Variants in LMX1A observed in about 807,000 individuals in gnomAD.
The protein encoded by LMX1A is LIM homeobox transcription factor 1-alpha.
A neutral mutation model predicts 49.1 loss-of-function variants in LMX1A; 15 were observed. The ratio of observed to expected loss-of-function variants is 0.31; its 90% CI spans 0.20 to 0.47. The LOEUF (loss-of-function observed/expected upper bound fraction) is 0.47, where lower values mean the gene tolerates loss of function less well. Ranked by LOEUF, LMX1A falls within the 20% of genes least tolerant of loss-of-function variation. The probability of loss-of-function intolerance (pLI) is 1.00; values close to 1 mark genes in which losing one functional copy is unlikely to be tolerated. For synonymous variants in LMX1A, 167 were observed against 185.7 expected (o/e 0.90, Z 0.82); for missense variants, 372 against 475.8 (o/e 0.78, Z 2.03).
At chr1:165,298,093 T>C (rs1251717381) in intron 3 of LMX1A, among the ~76,000 whole-genome samples, 1 of 152,108 alleles carries the variant, frequency 6.6e-6, no homozygotes, top group Non-Finnish European at 1.5e-5. Flanking sequence ...GAGATAAGAG[T>C]TGAAACCTAA....
At chr1:165,351,581 C>T (rs1656428864) in intron 3 of LMX1A, among the ~76,000 whole-genome samples, 1 of 152,146 alleles carries the variant, frequency 6.6e-6, no homozygotes, top group South Asian at 2.1e-4. Flanking sequence ...TCCAGCTCAT[C>T]CAAAATCCAG....
chr1:165,268,769 A>C (rs1653701955), intron 3 of LMX1A, among the ~76,000 whole-genome samples: 1 of 152,256 alleles, frequency 6.6e-6, no homozygotes, highest in African/African-American at 2.4e-5. Context: ...GCAGCAAATA[A>C]GGAGATATTT....
At chr1:165,291,623 T>A (rs1279033711) in intron 3 of LMX1A, among the ~76,000 whole-genome samples, 1 of 152,256 alleles carries the variant, frequency 6.6e-6, no homozygotes, top group Non-Finnish European at 1.5e-5. Flanking sequence ...GTGATTCATT[T>A]ATTCTTCATT....
At chr1:165,225,465 A>C (rs1384537437) in intron 4 of LMX1A, among the ~76,000 whole-genome samples, 1 of 152,254 alleles carries the variant, frequency 6.6e-6, no homozygotes, top group African/African-American at 2.4e-5. Context: ...CATTGCTGAC[A>C]GTACCATCAC....
At chr1:165,273,641 G>T (rs752958038) in intron 3 of LMX1A, among the ~76,000 whole-genome samples, 4 of 152,096 alleles carry the variant, frequency 2.6e-5, no homozygotes, top group Non-Finnish European at 5.9e-5. Context: ...TATCTTATTT[G>T]TAATAAACAA....
intron 3 of LMX1A, among the ~76,000 whole-genome samples, chr1:165,285,532 C>G (rs1175849193): frequency 1.3e-5 from 2 of 152,172 alleles, no homozygotes; most frequent in Non-Finnish European, 2.9e-5. Flanking sequence ...TCCTCTTGTA[C>G]AGAAAACAAG....
chr1:165,336,901 G>A (rs1655914387), intron 3 of LMX1A, among the ~76,000 whole-genome samples: 1 of 152,152 alleles, frequency 6.6e-6, no homozygotes, highest in Admixed American at 6.5e-5. Context: ...AGCATATTCT[G>A]GAAGATAATT....
At position 165,258,653 on chromosome 1, in the gene LMX1A, C is replaced by T. The variant is rs117095238; in HGVS notation, c.264-9013G>A. On this transcript the variant is annotated intron_variant, in intron 3 of 8. Transcript: ENST00000342310. ...TGATGTCTGCACGTCCCAGAGGCTCCGCAAGGCACTGGCCTCACCAAGAAA... is the reference window on the plus strand; with the variant it reads ...TGATGTCTGCACGTCCCAGAGGCTCTGCAAGGCACTGGCCTCACCAAGAAA... 1.0e-3 allele frequency among the ~76,000 whole-genome samples: 152 copies of T among 152,220 alleles called. 1 individual carries two copies. The East Asian group carries it at 0.025, about 25-fold the overall frequency.
chr1:165,220,051 T>C (rs1188729729), intron 4 of LMX1A, among the ~76,000 whole-genome samples: 6 of 152,080 alleles, frequency 3.9e-5, no homozygotes, highest in Non-Finnish European at 8.8e-5. Flanking sequence ...AAATACCTAA[T>C]GACATGGAAA....
At chr1:165,350,846 T>G (rs977495184) in intron 3 of LMX1A, among the ~76,000 whole-genome samples, 12 of 152,336 alleles carry the variant, frequency 7.9e-5, no homozygotes, top group African/African-American at 2.9e-4. Context: ...AAAATTAAAA[T>G]CCTTCACTGA....
chr1:165,301,386 C>CAT (rs1459423074), intron 3 of LMX1A, among the ~76,000 whole-genome samples: 1 of 151,646 alleles, frequency 6.6e-6, no homozygotes, highest in African/African-American at 2.4e-5. Flanking sequence ...CACACACACA[C>CAT]ACTTCTCTGC....
chr1:165,278,957 A>G (rs1402765796), intron 3 of LMX1A, among the ~76,000 whole-genome samples: 1 of 152,206 alleles, frequency 6.6e-6, no homozygotes, highest in East Asian at 1.9e-4. Context: ...AGGGAACCTC[A>G]GCCCAGGAGG....
chr1:165,248,243 GTAGA>G (rs1652927569), intron 4 of LMX1A, among the ~76,000 whole-genome samples: 1 of 152,186 alleles, frequency 6.6e-6, no homozygotes, highest in African/African-American at 2.4e-5. Context: ...AGATTTGAGA[GTAGA>G]TGAGACACAA....
chr1:165,287,811 C>A (rs574143076), intron 3 of LMX1A, among the ~76,000 whole-genome samples: 1 of 152,222 alleles, frequency 6.6e-6, no homozygotes, highest in African/African-American at 2.4e-5. Context: ...GACTGACGTA[C>A]TATATGCCTT....
chr1:165,213,479 G>A (rs1034286751), intron 5 of LMX1A, among the ~76,000 whole-genome samples, 162 bp downstream of exon 5: 1 of 152,212 alleles, frequency 6.6e-6, no homozygotes, highest in African/African-American at 2.4e-5. Context: ...ACAGCTTAGT[G>A]ATCTCTGGAG....
intron 4 of LMX1A, among the ~76,000 whole-genome samples, chr1:165,248,009 T>C (rs986936534): frequency 2.6e-5 from 4 of 152,202 alleles, no homozygotes; most frequent in African/African-American, 9.6e-5. Context: ...GGGAATATAG[T>C]GGTAAATAAG....
At chr1:165,273,649 C>A (rs1653872604) in intron 3 of LMX1A, among the ~76,000 whole-genome samples, 1 of 152,180 alleles carries the variant, frequency 6.6e-6, no homozygotes, top group African/African-American at 2.4e-5. Flanking sequence ...TTGTAATAAA[C>A]AAGTATTTAT....
chr1:165,334,751 T>G (rs1655851899), intron 3 of LMX1A, among the ~76,000 whole-genome samples: 2 of 152,302 alleles, frequency 1.3e-5, no homozygotes, highest in South Asian at 4.2e-4. Context: ...TGAAGAGGCA[T>G]TAGTGCAACA....
chr1:165,306,622 A>G (rs1024457201), intron 3 of LMX1A, among the ~76,000 whole-genome samples: 1 of 152,198 alleles, frequency 6.6e-6, no homozygotes, highest in Admixed American at 6.5e-5. Context: ...GAAAAGCTCA[A>G]CTTGATTGCT....
Sources: allele counts gnomAD v4.1 joint callset (sites outside exome capture counted in the v4.1 genomes callset), GRCh38; gene constraint gnomAD v4.1.1; transcripts MANE v1.5; gene names NCBI Gene and HGNC (gene_info 2026-07-23, HGNC 2026-07-21).